The following CORO1C variants were observed in gnomAD, a reference collection of about 807,000 sequenced individuals.
CORO1C encodes the protein coronin 1C.
In CORO1C, 14 loss-of-function variants were observed where a neutral mutation model predicts 51.2. That is an observed-to-expected ratio of 0.27 (90% CI 0.18 to 0.43). The LOEUF is 0.43. Among genes scored for constraint, CORO1C ranks in the 20% least tolerant of loss-of-function variants. The pLI, the probability that CORO1C is intolerant of heterozygous loss-of-function variation, is 1.00. For synonymous variants in CORO1C, 181 were observed against 210.5 expected (o/e 0.86, Z 1.21); for missense variants, 417 against 607.8 (o/e 0.69, Z 3.30).
chr12:108,654,842 T>C (rs1488307016), intron 6 of CORO1C, among the ~76,000 whole-genome samples: 2 of 151,972 alleles, frequency 1.3e-5, no homozygotes, highest in African/African-American at 4.8e-5. Flanking sequence ...GCTGGGATTA[T>C]AGATAGGCAC....
intron 1 of CORO1C, among the ~76,000 whole-genome samples, chr12:108,722,710 G>A (rs2035500794): frequency 6.6e-6 from 1 of 152,112 alleles, no homozygotes; most frequent in African/African-American, 2.4e-5. Context: ...CTTGAGTTGG[G>A]GACCAAATGT....
At chr12:108,715,551 T>C (rs886737277) in intron 1 of CORO1C, among the ~76,000 whole-genome samples, 1 of 152,132 alleles carries the variant, frequency 6.6e-6, no homozygotes, top group African/African-American at 2.4e-5. Flanking sequence ...CCACCTCTTT[T>C]GGTCCCTGGA....
At position 108,701,117 on chromosome 12, in the gene CORO1C, T is replaced by TACC; in HGVS notation, c.195+4_195+6dup. ...TGTCTACCAGAATGGAAGATCAAAT[T>TACC]ACCTACCTTGTGCAGAGGGAGGACA... On this transcript the variant is annotated splice_region_variant and intron_variant, in intron 2 of 10. Coordinates refer to ENST00000261401, the MANE Select transcript of CORO1C (RefSeq NM_014325.4). 2.5e-6 allele frequency: 4 copies of TACC among 1,613,970 alleles called. No individual in the cohort carries two copies. The highest frequency in any genetic ancestry group is 3.4e-6 in the Non-Finnish European group (4 of 1,179,862).
intron 3 of CORO1C, among the ~76,000 whole-genome samples, chr12:108,667,178 T>C (rs1271993799): frequency 6.6e-6 from 1 of 152,222 alleles, no homozygotes; most frequent in Non-Finnish European, 1.5e-5. Flanking sequence ...CATCAGAATT[T>C]CTTAGAATGA....
At chr12:108,662,576 C>A (rs1279756291) in intron 3 of CORO1C, among the ~76,000 whole-genome samples, 2 of 152,002 alleles carry the variant, frequency 1.3e-5, no homozygotes, top group African/African-American at 4.8e-5. Flanking sequence ...GGATTTTATT[C>A]TAAATTCCTT....
Position 108,715,821 on chromosome 12 carries a change from C to G in CORO1C, c.-5-14498G>C, listed in dbSNP as rs548293668. Among the ~76,000 whole-genome samples the G allele has an allele frequency of 4.5e-4, 69 of 152,060 alleles. No individual in the cohort carries two copies. In the South Asian group the frequency reaches 0.011, roughly 25 times the overall value. ...CAAAACTTTTATAGACATGAGTGAC[C>G]TAGCAATCTCACTTAAAAATTAATC... On this transcript the variant is annotated intron_variant, in intron 1 of 10. Transcript: ENST00000261401.
chr12:108,706,992 T>C (rs2035049074), intron 1 of CORO1C, among the ~76,000 whole-genome samples: 1 of 152,142 alleles, frequency 6.6e-6, no homozygotes, highest in South Asian at 2.1e-4. Flanking sequence ...ATCAAGGAGA[T>C]GAAAGACTCA....
At chr12:108,717,407 T>C (rs2035365721) in intron 1 of CORO1C, among the ~76,000 whole-genome samples, 1 of 152,136 alleles carries the variant, frequency 6.6e-6, no homozygotes, top group African/African-American at 2.4e-5. Context: ...TAAGTATGAG[T>C]ATGTGACATA....
At chr12:108,649,612 AGAAG>A (rs2136791754) in intron 8 of CORO1C, 1 of 156,220 alleles carries the variant, frequency 6.4e-6, no homozygotes, top group African/African-American at 2.4e-5. Flanking sequence ...TAATACTGGA[AGAAG>A]GGAGCAAAGA....
Position 108,646,632 on chromosome 12 carries a change from C to G in CORO1C, c.*771G>C, listed in dbSNP as rs1441782325. 2 of 152,114 alleles carry G rather than the reference C, an allele frequency of 1.3e-5. No individual in the cohort carries two copies. Among genetic ancestry groups the G allele is most frequent in the Non-Finnish European group, 2.9e-5 (2 of 68,018 alleles). The allele number at this position is 152,114 out of a possible 1,614,324, so 9.4% of individuals were successfully genotyped here. On this transcript the variant is annotated 3_prime_UTR_variant, in exon 11 of 11. Transcript: ENST00000261401. ...CGAGAAGCAAAATTCCATTCTGGTA[C>G]AAACACCCAATTTCTAGAAAAGAGA...
At chr12:108,705,459 C>CAAAAAAAAA (rs1163703701) in intron 1 of CORO1C, among the ~76,000 whole-genome samples, 4 of 63,414 alleles carry the variant, frequency 6.3e-5, no homozygotes, top group East Asian at 5.7e-4. Flanking sequence ...GACCCTGTCT[C>CAAAAAAAAA]AAAAAAAAAA....
At chr12:108,692,085 C>CCGTGCT (rs2034517395) in intron 2 of CORO1C, among the ~76,000 whole-genome samples, 2 of 151,752 alleles carry the variant, frequency 1.3e-5, no homozygotes, top group Admixed American at 6.6e-5. Context: ...TGAGGCCAGG[C>CCGTGCT]CGTGCTCGTG....
chr12:108,657,229 T>TA, intron 6 of CORO1C, 75 bp downstream of exon 6: 1 of 1,527,670 alleles, frequency 6.5e-7, no homozygotes, highest in Non-Finnish European at 8.8e-7. Flanking sequence ...ATAATCTACT[T>TA]ACTCACTGGA....
intron 2 of CORO1C, among the ~76,000 whole-genome samples, chr12:108,681,184 T>C (rs890417664): frequency 1.3e-5 from 2 of 152,202 alleles, no homozygotes; most frequent in African/African-American, 2.4e-5. Flanking sequence ...TGATATTTCA[T>C]AACTTAAAAC....
intron 1 of CORO1C, among the ~76,000 whole-genome samples, chr12:108,708,015 T>TC (rs2035075387): frequency 6.6e-6 from 1 of 152,162 alleles, no homozygotes; most frequent in Non-Finnish European, 1.5e-5. Context: ...ATCAGAACCC[T>TC]CATACACTCC....
At chr12:108,720,013 C>G (rs868194566) in intron 1 of CORO1C, among the ~76,000 whole-genome samples, 1 of 152,024 alleles carries the variant, frequency 6.6e-6, no homozygotes, top group Non-Finnish European at 1.5e-5. Flanking sequence ...AGTGAGACCC[C>G]GTCTCTACAA....
rs2032380209 is a variant in CORO1C, at chr12:108,646,847, T to C, written c.*556A>G. 1 of 152,648 alleles carries C rather than the reference T, an allele frequency of 6.6e-6. No individual in the cohort carries two copies. The highest frequency in any genetic ancestry group is 2.4e-5 in the African/African-American group (1 of 41,448). The allele number at this position is 152,648 out of a possible 1,614,324, so 9.5% of individuals were successfully genotyped here. ...TTGATTGTTCTCAGATGAATGTTTA[T>C]ACAAAATAATATCTTATCTTCATTT... On this transcript the variant is annotated 3_prime_UTR_variant, in exon 11 of 11. Coordinates refer to ENST00000261401, the MANE Select transcript of CORO1C (RefSeq NM_014325.4).
In CORO1C at chr12:108,658,835, T is replaced by C. The variant is rs763842145; in HGVS notation, c.533A>G (p.Tyr178Cys). The change falls in exon 5 of 11, where the codon TAC (tyrosine) becomes TGC (cysteine). Residue 178 changes from tyrosine (Y) to cysteine (C), a missense_variant. Physicochemically the swap from Tyr to Cys is radical, Grantham distance 194. Coordinates refer to ENST00000261401, the MANE Select transcript of CORO1C (RefSeq NM_014325.4). This position sits in a 1 kb window ranked among gnomAD's most constrained non-coding sequence, Gnocchi z 4.9. ...NLDDMHSDMI[Y>C]NVSWNRNGSL... is the part of the protein sequence containing the mutation. ...GCCATTCCGGTTCCAGCTCACATTG[T>C]AAATCATGTCTGAATGCATATCGTC... 2 of 1,614,038 alleles carry C rather than the reference T, an allele frequency of 1.2e-6. No individual in the cohort carries two copies. The highest frequency in any genetic ancestry group is 1.7e-6 in the Non-Finnish European group (2 of 1,179,872).
At chr12:108,678,192 A>G in intron 3 of CORO1C, 80 bp downstream of exon 3, 1 of 1,348,082 alleles carries the variant, frequency 7.4e-7, no homozygotes, top group Non-Finnish European at 1.0e-6. Context: ...CTATACATAC[A>G]CACACACCCA....
Sources: allele counts gnomAD v4.1 joint callset (sites outside exome capture counted in the v4.1 genomes callset), GRCh38; gene constraint gnomAD v4.1.1; non-coding constraint Gnocchi (gnomAD v3.1); transcripts MANE v1.5; gene names NCBI Gene and HGNC (gene_info 2026-07-23, HGNC 2026-07-21).